The following LY96 variants were observed in gnomAD, a reference collection of about 807,000 sequenced individuals.
LY96 encodes lymphocyte antigen 96.
In LY96, 18 loss-of-function variants were observed where a neutral mutation model predicts 18.9. The observed-to-expected ratio is 0.95, with a 90% CI of 0.66 to 1.41. The LOEUF (loss-of-function observed/expected upper bound fraction) is 1.41. Among genes scored for constraint, LY96 ranks in the 40% most tolerant of loss-of-function variants. LY96 has a pLI of 0.00. For missense variants in LY96, 175 were observed against 182.4 expected, an observed-to-expected ratio of 0.96 and a Z score of 0.23; for synonymous variants, 66 against 62.6, an observed-to-expected ratio of 1.06 and a Z score of -0.26.
chr8:74,002,373 G>A (rs1816314389), intron 1 of LY96, among the ~76,000 whole-genome samples: 1 of 151,500 alleles, frequency 6.6e-6, no homozygotes, highest in African/African-American at 2.4e-5. Flanking sequence ...GGTTGGTGGT[G>A]TCTCACCATT....
chr8:74,053,614 C>A, the LY96 span, among the ~76,000 whole-genome samples: 2 of 152,194 alleles, frequency 1.3e-5, no homozygotes, highest in African/African-American at 4.8e-5. Context: ...ACTCTCATTG[C>A]TCTTCTTACC....
At chr8:74,088,083 A>AAGAATAGAATAGAATAGAATAGAAT in the LY96 span, among the ~76,000 whole-genome samples, 2,052 of 120,374 alleles carry the variant, frequency 0.017, 48 homozygotes, top group African/African-American at 0.022. Flanking sequence ...TCACTGAGAG[A>AAGAATAGAATAGAATAGAATAGAAT]AGAATAGAAT....
At chr8:74,049,032 T>C in the LY96 span, among the ~76,000 whole-genome samples, 8 of 152,184 alleles carry the variant, frequency 5.3e-5, no homozygotes, top group Admixed American at 5.2e-4. Context: ...ATAGAGTGAG[T>C]GGATATGAGG....
At chr8:73,996,227 C>T (rs930310454) in intron 1 of LY96, among the ~76,000 whole-genome samples, 13 of 152,084 alleles carry the variant, frequency 8.5e-5, no homozygotes, top group African/African-American at 2.9e-4. Flanking sequence ...CAGTCCCAAC[C>T]CCTGGGCTCA....
chr8:74,026,952 T>A lies in LY96; in HGVS notation c.384+111T>A, dbSNP rs1002951270. 93 of 614,110 alleles carry A rather than the reference T, an allele frequency of 1.5e-4. 1 individual carries two copies. Among genetic ancestry groups the A allele is most frequent in the Middle Eastern group, 1.4e-3 (3 of 2,190 alleles). The allele number at this position is 614,110 out of a possible 1,614,324, so 38.0% of individuals were successfully genotyped here. ...TTCCTTTTTCTTTCTTTTTTTTTTT[T>A]AAATGGGATCTCAGTCTGTTACCCA... On this transcript the variant is annotated intron_variant, in intron 4 of 4. Transcript: ENST00000284818.
chr8:74,072,846 C>A, the LY96 span, among the ~76,000 whole-genome samples: 1 of 152,184 alleles, frequency 6.6e-6, no homozygotes, highest in African/African-American at 2.4e-5. Context: ...CGGGAGCCTG[C>A]AGGAGTTCAG....
At chr8:74,051,968 A>T in the LY96 span, among the ~76,000 whole-genome samples, 3 of 151,610 alleles carry the variant, frequency 2.0e-5, no homozygotes, top group Admixed American at 1.4e-4. Flanking sequence ...TGTGAGTAAA[A>T]TTTATTCCTA....
intron 1 of LY96, among the ~76,000 whole-genome samples, chr8:74,000,167 G>A (rs1269736498): frequency 6.6e-6 from 1 of 152,112 alleles, no homozygotes; most frequent in Non-Finnish European, 1.5e-5. Context: ...AAGAACACTT[G>A]GCTCCCTTCT....
intron 2 of LY96, among the ~76,000 whole-genome samples, chr8:74,007,715 G>T (rs564927087): frequency 9.9e-5 from 15 of 152,234 alleles, no homozygotes; most frequent in African/African-American, 3.4e-4. Flanking sequence ...ATTGTCTTTG[G>T]TAAGCTAAAA....
At chr8:74,007,155 G>C (rs1008511069) in intron 2 of LY96, among the ~76,000 whole-genome samples, 1 of 152,182 alleles carries the variant, frequency 6.6e-6, no homozygotes, top group Non-Finnish European at 1.5e-5. Context: ...TGACAGGCGG[G>C]AGTAGCCTGG....
chr8:74,022,538 G>A (rs1235483868), intron 3 of LY96, among the ~76,000 whole-genome samples: 1 of 150,210 alleles, frequency 6.7e-6, no homozygotes, highest in East Asian at 1.9e-4. Context: ...CTAAGTGTTA[G>A]GACAGTCTCC....
chr8:74,004,739 T>C, intron 1 of LY96, 57 bp from the exon 2 acceptor site: 2 of 1,443,722 alleles, frequency 1.4e-6, no homozygotes, highest in South Asian at 2.3e-5. Context: ...TTCAGAATAC[T>C]ATACTTAATG....
chr8:74,090,557 T>A, the LY96 span, among the ~76,000 whole-genome samples: 2 of 152,252 alleles, frequency 1.3e-5, no homozygotes, highest in Non-Finnish European at 2.9e-5. Flanking sequence ...TCAGTTGATA[T>A]GAAATAAATT....
chr8:74,088,293 GC>G, the LY96 span, among the ~76,000 whole-genome samples: 1 of 152,130 alleles, frequency 6.6e-6, no homozygotes, highest in Non-Finnish European at 1.5e-5. Flanking sequence ...TCTTGCAGGG[GC>G]CAGCAGAGGG....
At chr8:74,098,853 A>T in the LY96 span, among the ~76,000 whole-genome samples, 1 of 152,366 alleles carries the variant, frequency 6.6e-6, no homozygotes, top group East Asian at 1.9e-4. Flanking sequence ...TAGCAATTCT[A>T]AGAGATTAAT....
At chr8:74,021,876 A>G (rs1816768447) in intron 3 of LY96, among the ~76,000 whole-genome samples, 1 of 151,748 alleles carries the variant, frequency 6.6e-6, no homozygotes, top group African/African-American at 2.4e-5. Flanking sequence ...AACAATGAGA[A>G]CACTTGGACA....
chr8:74,093,376 G>A, the LY96 span, among the ~76,000 whole-genome samples: 1 of 152,196 alleles, frequency 6.6e-6, no homozygotes, highest in East Asian at 1.9e-4. Flanking sequence ...GCAGTGCCTG[G>A]CACATAGCAG....
At chr8:74,001,087 C>A (rs1271846369) in intron 1 of LY96, among the ~76,000 whole-genome samples, 1 of 152,100 alleles carries the variant, frequency 6.6e-6, no homozygotes, top group Non-Finnish European at 1.5e-5. Context: ...TGCATTCAAA[C>A]CATAGCAACA....
the LY96 span, among the ~76,000 whole-genome samples, chr8:74,092,414 C>T: frequency 2.0e-5 from 3 of 152,146 alleles, no homozygotes; most frequent in African/African-American, 2.4e-5. Context: ...CATTGGCCCC[C>T]GAGGGACACT....
Sources: allele counts gnomAD v4.1 joint callset (sites outside exome capture counted in the v4.1 genomes callset), GRCh38; gene constraint gnomAD v4.1.1; transcripts MANE v1.5; gene names NCBI Gene and HGNC (gene_info 2026-07-23, HGNC 2026-07-21).